The following PEX26 variants were observed in gnomAD, a reference collection of about 807,000 sequenced individuals.
PEX26 encodes peroxisomal biogenesis factor 26.
Under a neutral mutation model 31.4 loss-of-function variants are expected in PEX26, and 18 were observed. The observed-to-expected ratio is 0.57, with a 90% CI of 0.40 to 0.85. PEX26 has a LOEUF of 0.85. PEX26 is among the 40% of genes least tolerant of loss of function. The pLI, the probability that PEX26 is intolerant of heterozygous loss-of-function variation, is 0.00. For synonymous variants in PEX26, 176 were observed against 166.9 expected (o/e 1.05, Z -0.42); for missense variants, 377 against 383.9 (o/e 0.98, Z 0.15).
rs1379752469 is a variant in PEX26 at position 18,089,428 on chromosome 22, T to G, written c.*1353T>G. 1 of 152,716 alleles carries G rather than the reference T, an allele frequency of 6.5e-6. No homozygotes were observed. The highest frequency in any genetic ancestry group is 2.4e-5 in the African/African-American group (1 of 41,458). 9.5% of individuals were successfully genotyped at this position (152,716 alleles called of 1,614,324 possible). A position where few individuals can be genotyped will look rare whatever the true frequency, so the allele number is the denominator to read the frequency against. On this transcript the variant is annotated 3_prime_UTR_variant, in exon 5 of 5. Coordinates refer to ENST00000399744, the MANE Select transcript of PEX26 (RefSeq NM_001127649.3). ...ACCTTAGGGAGGTGGCACCGAGGCC[T>G]TAGCATTTGAGGAGCTGAAATGTTT... is the stretch of plus-strand genomic sequence containing the variant.
At chr22:18,080,889 C>T (rs1162171845) in intron 2 of PEX26, among the ~76,000 whole-genome samples, 1 of 152,106 alleles carries the variant, frequency 6.6e-6, no homozygotes, top group Non-Finnish European at 1.5e-5. Flanking sequence ...CCTCCTATCC[C>T]ACCGTAACTT....
Position 18,092,576 on chromosome 22 carries a change from C to T in PEX26, c.*4501C>T, listed in dbSNP as rs545759785. 6.6e-6 allele frequency: 1 copy of T among 152,216 alleles called. No homozygotes were observed. The highest frequency in any genetic ancestry group is 1.9e-4 in the East Asian group (1 of 5,180). The allele number at this position is 152,216 out of a possible 1,614,324, so 9.4% of individuals were successfully genotyped here. A position where few individuals can be genotyped will look rare whatever the true frequency, so the allele number is the denominator to read the frequency against. On this transcript the variant is annotated 3_prime_UTR_variant, in exon 5 of 5. Transcript: ENST00000399744. The stretch of plus-strand genomic sequence containing the variant: ...TAGAAGGAAATACAGGACTCGTGAT[C>T]CCACCACTCAGAAATAATTACTATT...
rs1486709629 is a variant in PEX26 at position 18,094,985 on chromosome 22, T to C, written c.*6910T>C. ...AAATGGTAGAGCTGGGATTTGAATC[T>C]AGGCATACAGGTACCAGGATTTCTG... On this transcript the variant is annotated 3_prime_UTR_variant, in exon 5 of 5. Transcript: ENST00000399744. The C allele has an allele frequency of 6.6e-6, 1 of 152,178 alleles. No individual in the cohort carries two copies. Among genetic ancestry groups the C allele is most frequent in the African/African-American group, 2.4e-5 (1 of 41,438 alleles). 9.4% of individuals were successfully genotyped at this position (152,178 alleles called of 1,614,324 possible). A position where few individuals can be genotyped will look rare whatever the true frequency, so the allele number is the denominator to read the frequency against.
intron 2 of PEX26, among the ~76,000 whole-genome samples, chr22:18,082,335 A>G (rs185374873): frequency 7.9e-5 from 12 of 152,158 alleles, no homozygotes; most frequent in Admixed American, 5.2e-4. Flanking sequence ...TAGTAGTTTC[A>G]TGGTTTTGGA....
rs994526247 is a variant in PEX26 at position 18,088,269 on chromosome 22, C to T, written c.*194C>T. On this transcript the variant is annotated 3_prime_UTR_variant, in exon 5 of 5. Coordinates refer to ENST00000399744, the MANE Select transcript of PEX26 (RefSeq NM_001127649.3). This position sits in a 1 kb window ranked among gnomAD's most constrained non-coding sequence, Gnocchi z 4.1. ...CTGGTCGCGGTAGATGATGTGGAAA[C>T]AAAGCAGGACCAGCAGGCACAGCAC... 6 of 691,338 alleles carry T rather than the reference C, an allele frequency of 8.7e-6. No homozygotes were observed. Among genetic ancestry groups the T allele is most frequent in the African/African-American group, 5.3e-5 (3 of 56,978 alleles). 42.8% of individuals were successfully genotyped at this position (691,338 alleles called of 1,614,324 possible).
In PEX26 at chr22:18,099,489, T is replaced by A. The variant is rs1927389747; in HGVS notation, c.*11414T>A. On this transcript the variant is annotated 3_prime_UTR_variant, in exon 5 of 5. Coordinates refer to ENST00000399744, the MANE Select transcript of PEX26 (RefSeq NM_001127649.3). ...ATAAAAGTCTATATCTTCCCTTCAA[T>A]ATACATTCATATGTGCTTATTTTAA... 1.3e-5 allele frequency: 2 copies of A among 152,202 alleles called. No homozygotes were observed. Among genetic ancestry groups the A allele is most frequent in the Non-Finnish European group, 2.9e-5 (2 of 68,038 alleles). 9.4% of individuals were successfully genotyped at this position (152,202 alleles called of 1,614,324 possible).
chr22:18,086,306 G>GA (rs200209737), intron 4 of PEX26, among the ~76,000 whole-genome samples: 338 of 150,084 alleles, frequency 2.3e-3, no homozygotes, highest in Admixed American at 3.4e-3. Flanking sequence ...TCTCAAAAAA[G>GA]AAAAAAAAAT....
rs760993214 is a variant in PEX26 at position 18,083,617 on chromosome 22, TGCA to T, written c.555_557del (p.Ala186del). ...AGGCTGAGGAGCTAGTGGTGGGCTC[TGCA>T]GCCTTTGGTGAGGAGCGGCGACTGG... is the stretch of plus-strand genomic sequence containing the variant. On this transcript the variant is annotated inframe_deletion, in exon 3 of 5. Coordinates refer to ENST00000399744, the MANE Select transcript of PEX26 (RefSeq NM_001127649.3). 6.2e-7 allele frequency: 1 copy of T among 1,614,060 alleles called. No homozygotes were observed. The highest frequency in any genetic ancestry group is 1.1e-5 in the South Asian group (1 of 91,076).
chr22:18,096,231 A>G lies in PEX26; in HGVS notation c.*8156A>G, dbSNP rs1297169190. ...TAACTGGTGCTAATCCATGTAAAAC[A>G]CTGAAAAGGTGCATAGCATGTAGTG... On this transcript the variant is annotated 3_prime_UTR_variant, in exon 5 of 5. Transcript: ENST00000399744. The G allele has an allele frequency of 6.6e-6, 1 of 152,206 alleles. No individual in the cohort carries two copies. The highest frequency in any genetic ancestry group is 1.5e-5 in the Non-Finnish European group (1 of 68,052). 9.4% of individuals were successfully genotyped at this position (152,206 alleles called of 1,614,324 possible).
rs1165410688 is a variant in PEX26 at position 18,088,799 on chromosome 22, G to A, written c.*724G>A. ...CAGGACAGTACCTTAATTAGCTAGA[G>A]TAGATCTGAGAGGGCCTCTTCTTGC... On this transcript the variant is annotated 3_prime_UTR_variant, in exon 5 of 5. Transcript: ENST00000399744. This position sits in a 1 kb window ranked among gnomAD's most constrained non-coding sequence, Gnocchi z 4.1. 1.9e-5 allele frequency: 3 copies of A among 159,776 alleles called. No homozygotes were observed. The highest frequency in any genetic ancestry group is 4.2e-5 in the Non-Finnish European group (3 of 72,228). The allele number at this position is 159,776 out of a possible 1,614,324, so 9.9% of individuals were successfully genotyped here. A position where few individuals can be genotyped will look rare whatever the true frequency, so the allele number is the denominator to read the frequency against.
At chr22:18,078,644 G>T in intron 1 of PEX26, 38 bp downstream of exon 1, 2 of 1,563,036 alleles carry the variant, frequency 1.3e-6, no homozygotes. Context: ...ATTTCCGGGC[G>T]CTCTTGTGGT....
chr22:18,087,125 G>C (rs1926872657), intron 4 of PEX26, among the ~76,000 whole-genome samples: 1 of 151,962 alleles, frequency 6.6e-6, no homozygotes, highest in Admixed American at 6.6e-5. Context: ...TGTTGCCCAG[G>C]TTGCAGTGGC....
rs1046127502 is a variant in PEX26 at position 18,099,493 on chromosome 22, C to G, written c.*11418C>G. The G allele has an allele frequency of 6.6e-5, 10 of 152,174 alleles. No homozygotes were observed. 9.4% of individuals were successfully genotyped at this position (152,174 alleles called of 1,614,324 possible). A position where few individuals can be genotyped will look rare whatever the true frequency, so the allele number is the denominator to read the frequency against. On this transcript the variant is annotated 3_prime_UTR_variant, in exon 5 of 5. Transcript: ENST00000399744. ...AAGTCTATATCTTCCCTTCAATATA[C>G]ATTCATATGTGCTTATTTTAAGCAT...
rs1927487154 is a variant in PEX26, at chr22:18,102,714, G to A, written c.*14639G>A. 1 of 152,190 alleles carries A rather than the reference G, an allele frequency of 6.6e-6. No individual in the cohort carries two copies. The highest frequency in any genetic ancestry group is 6.5e-5 in the Admixed American group (1 of 15,270). 9.4% of individuals were successfully genotyped at this position (152,190 alleles called of 1,614,324 possible). On this transcript the variant is annotated 3_prime_UTR_variant, in exon 5 of 5. Transcript: ENST00000399744. ...CTTTATCATGCCTAATATTGTGAAGGCCATGTGCTAAATCCAGCAATCCGC... is the reference window on the plus strand; with the variant it reads ...CTTTATCATGCCTAATATTGTGAAGACCATGTGCTAAATCCAGCAATCCGC...
At chr22:18,085,295 A>G (rs1336023814) in intron 4 of PEX26, 37 bp downstream of exon 4, 6 of 1,611,502 alleles carry the variant, frequency 3.7e-6, no homozygotes, top group Admixed American at 3.3e-5. Flanking sequence ...CTTCCTGGGA[A>G]GGGGTTGTTG....
At position 18,095,472 on chromosome 22, in the gene PEX26, T is replaced by C. The variant is rs1927262987; in HGVS notation, c.*7397T>C. The C allele has an allele frequency of 6.6e-6, 1 of 152,162 alleles. No individual in the cohort carries two copies. The highest frequency in any genetic ancestry group is 1.5e-5 in the Non-Finnish European group (1 of 68,026). The allele number at this position is 152,162 out of a possible 1,614,324, so 9.4% of individuals were successfully genotyped here. A position where few individuals can be genotyped will look rare whatever the true frequency, so the allele number is the denominator to read the frequency against. ...TTTGGTCGCCCCACCAGAGACATCC[T>C]ACCCATTCCCAGTCCCTCTGTGGGC... On this transcript the variant is annotated 3_prime_UTR_variant, in exon 5 of 5. Transcript: ENST00000399744.
At chr22:18,087,054 A>G (rs2123660460) in intron 4 of PEX26, among the ~76,000 whole-genome samples, 1 of 152,102 alleles carries the variant, frequency 6.6e-6, no homozygotes. Context: ...CTGGGACTAC[A>G]GGCATGTGCC....
rs1213678133 is a variant in PEX26 at position 18,092,973 on chromosome 22, A to G, written c.*4898A>G. 1.3e-5 allele frequency: 2 copies of G among 152,198 alleles called. No individual in the cohort carries two copies. The highest frequency in any genetic ancestry group is 3.8e-4 in the East Asian group (2 of 5,200). 9.4% of individuals were successfully genotyped at this position (152,198 alleles called of 1,614,324 possible). ...GAAAAAAATAAACGGGACAATGCCA[A>G]CATGCTCAACAATAAAGGGTTCTTT... On this transcript the variant is annotated 3_prime_UTR_variant, in exon 5 of 5. Coordinates refer to ENST00000399744, the MANE Select transcript of PEX26 (RefSeq NM_001127649.3).
rs750644243 is a variant in PEX26 at position 18,088,014 on chromosome 22, T to C, written c.857T>C (p.Leu286Pro). ...SLHFLYKLAQ[L>P]FRWIRKAAFS... is the part of the protein sequence containing the mutation. ...CACTTCCTCTACAAGCTGGCCCAGCTCTTCCGCTGGATCCGGAAGGCTGCA... is the reference window on the plus strand; with the variant it reads ...CACTTCCTCTACAAGCTGGCCCAGCCCTTCCGCTGGATCCGGAAGGCTGCA... The change falls in exon 5 of 5, where the codon CTC becomes CCC. Residue 286 changes from leucine (L) to proline (P), a missense_variant. Coordinates refer to ENST00000399744, the MANE Select transcript of PEX26 (RefSeq NM_001127649.3). The surrounding 1 kb of genome is among the most constrained non-coding windows in gnomAD (Gnocchi z 4.1). 13 of 1,613,664 alleles carry C rather than the reference T, an allele frequency of 8.1e-6. No individual in the cohort carries two copies. Among genetic ancestry groups the C allele is most frequent in the Admixed American group, 1.7e-5 (1 of 60,000 alleles).
Sources: allele counts gnomAD v4.1 joint callset (sites outside exome capture counted in the v4.1 genomes callset), GRCh38; gene constraint gnomAD v4.1.1; non-coding constraint Gnocchi (gnomAD v3.1); transcripts MANE v1.5; gene names NCBI Gene and HGNC (gene_info 2026-07-23, HGNC 2026-07-21).